BTNL9: variants seen among roughly 807,000 people sequenced by gnomAD.
BTNL9 encodes butyrophilin-like protein 9.
Under a neutral mutation model 45.8 loss-of-function variants are expected in BTNL9, and 45 were observed. That is an observed-to-expected ratio of 0.98 (90% confidence interval 0.77 to 1.26). The LOEUF (loss-of-function observed/expected upper bound fraction) is 1.26. Ranked by LOEUF, BTNL9 falls within the 50% of genes most tolerant of loss-of-function variation. The pLI, the probability that BTNL9 is intolerant of heterozygous loss-of-function variation, is 0.00. For missense variants in BTNL9, 784 were observed against 729.7 expected, an observed-to-expected ratio of 1.07 and a Z score of -0.86; for synonymous variants, 346 against 330.8, an observed-to-expected ratio of 1.05 and a Z score of -0.50.
At chr5:181,059,158 G>C in intron 10 of BTNL9, 79 bp from the exon 11 acceptor site, 2 of 1,411,190 alleles carry the variant, frequency 1.4e-6, no homozygotes, top group Non-Finnish European at 1.8e-6. Flanking sequence ...AGAGAAACGA[G>C]AGGTTTGTCC....
Position 181,050,060 on chromosome 5 carries a change from C to A in BTNL9, c.455-28C>A. 6.2e-7 allele frequency: 1 copy of A among 1,602,298 alleles called. No homozygotes were observed. Among genetic ancestry groups the A allele is most frequent in the Non-Finnish European group, 8.5e-7 (1 of 1,173,992 alleles). On this transcript the variant is annotated intron_variant, in intron 3 of 10. Coordinates refer to ENST00000327705, the MANE Select transcript of BTNL9 (RefSeq NM_152547.5). The surrounding 1 kb of genome is among the most constrained non-coding windows in gnomAD (Gnocchi z 4.9). ...GCGTGATTTCTCAGAAGAAGCCTGA[C>A]CTTTCCCACTCCTCCTGCCTCCACC...
intron 9 of BTNL9, 70 bp from the exon 10 acceptor site, chr5:181,058,282 A>G: frequency 6.4e-7 from 1 of 1,556,996 alleles, no homozygotes; most frequent in Non-Finnish European, 8.9e-7. Context: ...ACATCTGGAG[A>G]CTTCGTTAAG....
intron 1 of BTNL9, among the ~76,000 whole-genome samples, chr5:181,044,902 G>C (rs753321952): frequency 6.6e-6 from 1 of 152,166 alleles, no homozygotes; most frequent in Non-Finnish European, 1.5e-5. Flanking sequence ...AGGCCTGGAG[G>C]AGAGTGTCCT....
intron 1 of BTNL9, among the ~76,000 whole-genome samples, chr5:181,041,544 A>G (rs755200527): frequency 2.6e-5 from 4 of 152,190 alleles, no homozygotes; most frequent in Admixed American, 6.5e-5. Context: ...TGTAGAGAAA[A>G]TGGGATGCTT....
chr5:181,055,303 T>TAAAA lies in BTNL9; in HGVS notation c.908-120_908-117dup. On this transcript the variant is annotated intron_variant, in intron 7 of 10. Coordinates refer to ENST00000327705, the MANE Select transcript of BTNL9 (RefSeq NM_152547.5). This position sits in a 1 kb window ranked among gnomAD's most constrained non-coding sequence, Gnocchi z 4.4. ...CAATGAAGGGGCAAAGAGGAAGCTGTAAAAAAAAAAAAATGAAGCTGTGAT... is the reference window on the plus strand; with the variant it reads ...CAATGAAGGGGCAAAGAGGAAGCTGTAAAAAAAAAAAAAAAAATGAAGCTGTGAT... The TAAAA allele has an allele frequency of 7.6e-7, 1 of 1,318,402 alleles. No individual in the cohort carries two copies. The allele number at this position is 1,318,402 out of a possible 1,614,324, so 81.7% of individuals were successfully genotyped here. A position where few individuals can be genotyped will look rare whatever the true frequency, so the allele number is the denominator to read the frequency against.
At chr5:181,046,303 G>A (rs1761140567) in intron 2 of BTNL9, among the ~76,000 whole-genome samples, 1 of 136,548 alleles carries the variant, frequency 7.3e-6, no homozygotes, top group Non-Finnish European at 1.6e-5. Flanking sequence ...CATCTCCCCA[G>A]CCTGTAGTGT....
In BTNL9 at chr5:181,050,439, T is replaced by G; in HGVS notation, c.736+70T>G. On this transcript the variant is annotated intron_variant, in intron 4 of 10. Transcript: ENST00000327705. The surrounding 1 kb of genome is among the most constrained non-coding windows in gnomAD (Gnocchi z 4.9). ...TACATACACATTGGCCCAAAGGCAG[T>G]CTATAAAGACACAATGGTACTGCGC... 1 of 1,545,850 alleles carries G rather than the reference T, an allele frequency of 6.5e-7. No individual in the cohort carries two copies. Among genetic ancestry groups the G allele is most frequent in the Non-Finnish European group, 8.8e-7 (1 of 1,133,288 alleles).
In BTNL9 at chr5:181,059,317, G is replaced by A. The variant is rs1271972217; in HGVS notation, c.1063G>A (p.Ala355Thr). Residue 355 changes from alanine to threonine, a missense_variant, in exon 11 of 11, where the codon GCG becomes ACG. Physicochemically the swap from Ala to Thr is moderately conservative, Grantham distance 58 (BLOSUM62 0). Coordinates refer to ENST00000327705, the MANE Select transcript of BTNL9 (RefSeq NM_152547.5). The stretch of plus-strand genomic sequence containing the variant: ...TGGCAAGAGCGTGTCTTCCCGCGGG[G>A]CGCCGCCAGGCCCGGCGCCTGGCCA... ...EDGKSVSSRG[A>T]PPGPAPGHPQ... 1.3e-6 allele frequency: 2 copies of A among 1,556,680 alleles called. No individual in the cohort carries two copies. The highest frequency in any genetic ancestry group is 1.7e-6 in the Non-Finnish European group (2 of 1,156,318).
In BTNL9 at chr5:181,042,562, C is replaced by T. The variant is rs943866493; in HGVS notation, c.-24+2130C>T. ...GGGGAGGAGGGTGCTGTCCAGGAGC[C>T]GCTGACTTTTCCCTTCAGGAAGCTG... On this transcript the variant is annotated intron_variant, in intron 1 of 10. Transcript: ENST00000327705. The surrounding 1 kb of genome is among the most constrained non-coding windows in gnomAD (Gnocchi z 4.5). Among the ~76,000 whole-genome samples the T allele has an allele frequency of 1.2e-4, 19 of 152,072 alleles. No homozygotes were observed. Among genetic ancestry groups the T allele is most frequent in the African/African-American group, 4.3e-4 (18 of 41,406 alleles).
chr5:181,051,010 C>T (rs1334687160), intron 4 of BTNL9, among the ~76,000 whole-genome samples: 23 of 144,544 alleles, frequency 1.6e-4, no homozygotes, highest in African/African-American at 3.1e-4. Flanking sequence ...TCGCTTGAAC[C>T]GGGGGGCAGA....
chr5:181,053,374 C>T lies in BTNL9; in HGVS notation c.853+58C>T, dbSNP rs1761683153. 8 of 1,511,876 alleles carry T rather than the reference C, an allele frequency of 5.3e-6. No homozygotes were observed. Among genetic ancestry groups the T allele is most frequent in the Non-Finnish European group, 7.1e-6 (8 of 1,130,030 alleles). The allele number at this position is 1,511,876 out of a possible 1,614,324, so 93.7% of individuals were successfully genotyped here. ...ACCGGCCGGTGCTGAACCCCGGGGC[C>T]GCGGAGGCGCCTCCCCCCAGGACGC... On this transcript the variant is annotated intron_variant, in intron 5 of 10. Coordinates refer to ENST00000327705, the MANE Select transcript of BTNL9 (RefSeq NM_152547.5). This position sits in a 1 kb window ranked among gnomAD's most constrained non-coding sequence, Gnocchi z 6.5.
chr5:181,044,154 G>T (rs984563511), intron 1 of BTNL9, among the ~76,000 whole-genome samples: 1 of 152,124 alleles, frequency 6.6e-6, no homozygotes, highest in Non-Finnish European at 1.5e-5. Flanking sequence ...CTAGCCTAAG[G>T]GTCCCTGGGG....
Position 181,048,083 on chromosome 5 carries a change from A to T in BTNL9, c.266A>T (p.Gln89Leu), listed in dbSNP as rs780938697. Residue 89 changes from glutamine (Q) to leucine (L), a missense_variant, in exon 3 of 11, where the codon CAG becomes CTG. Physicochemically the swap from Gln to Leu is moderately radical, Grantham distance 113. Transcript: ENST00000327705. ...AATGTGGTACACCTGTACCAGGAGC[A>T]GCAGGAGCTCCCTGGCAGGCAGATG... ...TFNVVHLYQE[Q>L]QELPGRQMPA... 1.8e-5 allele frequency: 29 copies of T among 1,613,590 alleles called. No individual in the cohort carries two copies. The highest frequency in any genetic ancestry group is 2.4e-5 in the Non-Finnish European group (28 of 1,180,028).
At position 181,045,570 on chromosome 5, in the gene BTNL9, C is replaced by T. The variant is rs138527915; in HGVS notation, c.81C>T (p.Leu27=). 1 of 1,612,644 alleles carries T rather than the reference C, an allele frequency of 6.2e-7. No individual in the cohort carries two copies. Among genetic ancestry groups the T allele is most frequent in the Admixed American group, 1.7e-5 (1 of 59,974 alleles). The change falls in exon 2 of 11, where the codon CTC becomes CTT. Residue 27 remains leucine, a synonymous_variant. Coordinates refer to ENST00000327705, the MANE Select transcript of BTNL9 (RefSeq NM_152547.5). ...TSSLVFLMHL[L]LLQPGEPSSE... is the part of the protein sequence containing the mutation. Reference sequence around the variant, plus strand: ...GTCTTGTCTTCCTCATGCACCTCCTCCTCCTTCAGCCTGGGGAGCCGAGCT... The same window carrying T: ...GTCTTGTCTTCCTCATGCACCTCCTTCTCCTTCAGCCTGGGGAGCCGAGCT...
At chr5:181,041,118 ATAACG>A (rs529837115) in intron 1 of BTNL9, among the ~76,000 whole-genome samples, 2 of 152,256 alleles carry the variant, frequency 1.3e-5, no homozygotes, top group East Asian at 3.8e-4. Flanking sequence ...GCCAGGTTTC[ATAACG>A]TGGTCATTTA....
At chr5:181,045,395 A>T in intron 1 of BTNL9, 72 bp from the exon 2 acceptor site, 1 of 796,540 alleles carries the variant, frequency 1.3e-6, no homozygotes, top group Non-Finnish European at 2.2e-6. Flanking sequence ...AACAGACTTC[A>T]GGTCTGATGG....
intron 4 of BTNL9, among the ~76,000 whole-genome samples, chr5:181,051,223 A>G (rs2113210199): frequency 6.6e-6 from 1 of 152,260 alleles, no homozygotes; most frequent in East Asian, 1.9e-4. Context: ...AGCTGAAGGC[A>G]AGGTCATTAT....
In BTNL9 at chr5:181,045,623, C is replaced by A. The variant is rs749408906; in HGVS notation, c.109+25C>A. Reference sequence around the variant, plus strand: ...GGTATTGTGTCTGCAGCCTAGCTGGCCAGGATGTGAACGCCACCCCTCCTG... The same window carrying A: ...GGTATTGTGTCTGCAGCCTAGCTGGACAGGATGTGAACGCCACCCCTCCTG... On this transcript the variant is annotated intron_variant, in intron 2 of 10. Transcript: ENST00000327705. 1.1e-5 allele frequency: 18 copies of A among 1,577,918 alleles called. No homozygotes were observed. In the East Asian group the frequency reaches 3.6e-4, roughly 31 times the overall value.
intron 1 of BTNL9, among the ~76,000 whole-genome samples, chr5:181,041,064 G>C (rs1348861241): frequency 2.6e-5 from 4 of 152,236 alleles, no homozygotes; most frequent in African/African-American, 9.6e-5. Flanking sequence ...CCTGTGTTTG[G>C]GAGAGCAAGA....
Sources: gnomAD v4.1 joint callset for allele counts (sites outside exome capture counted in the v4.1 genomes callset) on GRCh38, gnomAD v4.1.1 for gene constraint, Gnocchi (gnomAD v3.1) non-coding constraint, MANE v1.5 for transcripts, NCBI Gene and HGNC (gene_info 2026-07-23, HGNC 2026-07-21) for gene names.